The following LRMDA variants were observed in gnomAD, a reference collection of about 807,000 sequenced individuals.
The protein encoded by LRMDA is leucine rich melanocyte differentiation associated.
Under a neutral mutation model 29.8 loss-of-function variants are expected in LRMDA, and 18 were observed. That is an observed-to-expected ratio of 0.60 (90% CI 0.42 to 0.90). The LOEUF (loss-of-function observed/expected upper bound fraction) is 0.90. LRMDA is among the 40% of genes least tolerant of loss of function. The probability of loss-of-function intolerance (pLI) is 0.00; values close to 1 mark genes in which losing one functional copy is unlikely to be tolerated. For missense variants in LRMDA, 273 were observed against 273.9 expected, an observed-to-expected ratio of 1.00 and a Z score of 0.02; for synonymous variants, 125 against 109.4, an observed-to-expected ratio of 1.14 and a Z score of -0.89.
At chr10:75,452,322 C>T (rs1219826972) in intron 2 of LRMDA, among the ~76,000 whole-genome samples, 3 of 152,098 alleles carry the variant, frequency 2.0e-5, no homozygotes, top group African/African-American at 4.8e-5. Context: ...GTGTTTATCG[C>T]GCGTCTCTGT....
intron 2 of LRMDA, among the ~76,000 whole-genome samples, chr10:75,953,769 T>A (rs11001561): frequency 0.056 from 8,498 of 152,116 alleles, 776 homozygotes; most frequent in African/African-American, 0.19. Context: ...GGAGGGCTGG[T>A]GTGGTAGGCA....
At chr10:76,190,716 C>A (rs2132220856) in intron 5 of LRMDA, among the ~76,000 whole-genome samples, 1 of 152,284 alleles carries the variant, frequency 6.6e-6, no homozygotes, top group Middle Eastern at 3.4e-3. Context: ...CCCTGCCTAG[C>A]ATTCAGAGGG....
chr10:76,504,373 A>ATAAT (rs1564560400), intron 6 of LRMDA, among the ~76,000 whole-genome samples: 1 of 151,928 alleles, frequency 6.6e-6, no homozygotes, highest in Non-Finnish European at 1.5e-5. Flanking sequence ...GTTTAAATCC[A>ATAAT]TAATTTTTTT....
At chr10:75,692,052 A>T (rs975352581) in intron 2 of LRMDA, among the ~76,000 whole-genome samples, 7 of 151,920 alleles carry the variant, frequency 4.6e-5, no homozygotes, top group Admixed American at 1.3e-4. Flanking sequence ...AAGTAAAAAA[A>T]GTATCCATTT....
intron 2 of LRMDA, among the ~76,000 whole-genome samples, chr10:75,574,676 C>T (rs1204110114): frequency 2.0e-5 from 3 of 152,168 alleles, no homozygotes; most frequent in African/African-American, 7.2e-5. Flanking sequence ...CTGTCAGTTT[C>T]ACACTTGTAC....
chr10:76,027,914 G>A (rs1848087636), intron 2 of LRMDA, among the ~76,000 whole-genome samples: 1 of 152,010 alleles, frequency 6.6e-6, no homozygotes, highest in African/African-American at 2.4e-5. Context: ...GATATATTGA[G>A]CTTTATTTAA....
At chr10:75,564,221 G>A (rs1023677419) in intron 2 of LRMDA, among the ~76,000 whole-genome samples, 1 of 152,168 alleles carries the variant, frequency 6.6e-6, no homozygotes, top group African/African-American at 2.4e-5. Flanking sequence ...GTTTACCTAA[G>A]CAAGCCTGGG....
At chr10:76,205,691 G>A (rs1175332752) in intron 5 of LRMDA, among the ~76,000 whole-genome samples, 1 of 152,280 alleles carries the variant, frequency 6.6e-6, no homozygotes, top group East Asian at 1.9e-4. Flanking sequence ...GTGAAGGGGA[G>A]GAGGTTGAGG....
intron 6 of LRMDA, among the ~76,000 whole-genome samples, chr10:76,350,698 A>G (rs931248978): frequency 1.3e-5 from 2 of 152,178 alleles, no homozygotes; most frequent in Non-Finnish European, 2.9e-5. Context: ...TCAGAAAGTA[A>G]TTCCATTGCT....
intron 2 of LRMDA, among the ~76,000 whole-genome samples, chr10:75,739,831 A>G (rs1407591787): frequency 6.6e-6 from 1 of 152,206 alleles, no homozygotes; most frequent in Non-Finnish European, 1.5e-5. Context: ...CTTCTGTAGC[A>G]TTTTTGATAC....
At chr10:75,547,063 C>T (rs563819740) in intron 2 of LRMDA, among the ~76,000 whole-genome samples, 2 of 152,150 alleles carry the variant, frequency 1.3e-5, no homozygotes, top group African/African-American at 4.8e-5. Context: ...TCACCAAGTG[C>T]TTGTTGCCAG....
At chr10:76,059,854 C>G (rs539898454) in intron 5 of LRMDA, among the ~76,000 whole-genome samples, 1 of 152,268 alleles carries the variant, frequency 6.6e-6, no homozygotes, top group Non-Finnish European at 1.5e-5. Context: ...AATAAAATTG[C>G]TAGCAGTTGT....
At chr10:76,013,254 C>T (rs1564630198) in intron 2 of LRMDA, among the ~76,000 whole-genome samples, 1 of 151,644 alleles carries the variant, frequency 6.6e-6, no homozygotes, top group Non-Finnish European at 1.5e-5. Context: ...TTTACTGCTG[C>T]AGCCCCAGGC....
intron 2 of LRMDA, among the ~76,000 whole-genome samples, chr10:75,502,246 C>T (rs1589162295): frequency 1.3e-5 from 2 of 152,164 alleles, no homozygotes; most frequent in South Asian, 2.1e-4. Context: ...AGTCCAACTG[C>T]GTGCCCAGGA....
chr10:75,607,910 A>G (rs1840976821), intron 2 of LRMDA, among the ~76,000 whole-genome samples: 1 of 146,966 alleles, frequency 6.8e-6, no homozygotes, highest in Admixed American at 6.9e-5. Flanking sequence ...GTATCCAAAC[A>G]TGAAGTGGTT....
At chr10:75,686,813 G>A (rs1451765717) in intron 2 of LRMDA, among the ~76,000 whole-genome samples, 4 of 152,164 alleles carry the variant, frequency 2.6e-5, no homozygotes, top group Non-Finnish European at 4.4e-5. Context: ...GTATTGAGCA[G>A]GTCTGTTGGT....
At chr10:76,076,259 C>T (rs959891877) in intron 5 of LRMDA, among the ~76,000 whole-genome samples, 12 of 142,984 alleles carry the variant, frequency 8.4e-5, no homozygotes, top group East Asian at 2.1e-4. Context: ...AGGAGAATGG[C>T]GTGAACCCAG....
chr10:75,889,082 G>A (rs1845439217), intron 2 of LRMDA, among the ~76,000 whole-genome samples: 1 of 152,200 alleles, frequency 6.6e-6, no homozygotes, highest in South Asian at 2.1e-4. Flanking sequence ...ATGTGTGTGT[G>A]TGTATACATG....
chr10:75,816,512 G>A (rs1458735765), intron 2 of LRMDA, among the ~76,000 whole-genome samples: 2 of 152,182 alleles, frequency 1.3e-5, no homozygotes, highest in Non-Finnish European at 2.9e-5. Context: ...TCCAAAAGAA[G>A]ATGAGGGCCA....
Sources: allele counts gnomAD v4.1 joint callset (sites outside exome capture counted in the v4.1 genomes callset), GRCh38; gene constraint gnomAD v4.1.1; transcripts MANE v1.5; gene names NCBI Gene and HGNC (gene_info 2026-07-23, HGNC 2026-07-21).